BANK1: variants seen among roughly 807,000 people sequenced by gnomAD.
The protein encoded by BANK1 is B-cell scaffold protein with ankyrin repeats.
In BANK1, 95 loss-of-function variants were observed where a neutral mutation model predicts 94.5. That is an observed-to-expected ratio of 1.00 (90% CI 0.85 to 1.19). The LOEUF is 1.19. Ranked by LOEUF, BANK1 falls within the 50% of genes most tolerant of loss-of-function variation. BANK1 has a pLI of 0.00. For missense variants in BANK1, 987 were observed against 932.2 expected, an observed-to-expected ratio of 1.06 and a Z score of -0.77; for synonymous variants, 334 against 308.4, an observed-to-expected ratio of 1.08 and a Z score of -0.87.
chr4:102,047,386 C>A (rs1442228051), intron 11 of BANK1, among the ~76,000 whole-genome samples: 3 of 151,706 alleles, frequency 2.0e-5, no homozygotes, highest in African/African-American at 7.3e-5. Context: ...CTTTATTTGA[C>A]AGTTTTCCAT....
intron 7 of BANK1, among the ~76,000 whole-genome samples, chr4:102,018,263 TA>T (rs983573386): frequency 6.6e-6 from 1 of 152,232 alleles, no homozygotes; most frequent in African/African-American, 2.4e-5. Flanking sequence ...CATAGAATGT[TA>T]CAAGGTCAAC....
intron 6 of BANK1, among the ~76,000 whole-genome samples, chr4:101,903,509 C>G (rs1354732712): frequency 1.3e-5 from 2 of 152,154 alleles, no homozygotes; most frequent in African/African-American, 4.8e-5. Flanking sequence ...GACAATAACA[C>G]CAGTAGGTGA....
intron 2 of BANK1, among the ~76,000 whole-genome samples, chr4:101,833,017 T>C (rs1726682799): frequency 6.6e-6 from 1 of 152,088 alleles, no homozygotes; most frequent in South Asian, 2.1e-4. Flanking sequence ...TTTGCTCTTG[T>C]TGCCCAGGCT....
intron 1 of BANK1, among the ~76,000 whole-genome samples, chr4:101,816,756 T>C (rs980459674): frequency 2.6e-5 from 4 of 152,150 alleles, no homozygotes; most frequent in Admixed American, 2.6e-4. Context: ...GAATATTATT[T>C]CTTACAACCA....
chr4:102,059,180 T>C lies in BANK1; in HGVS notation c.1970-1031T>C, dbSNP rs17031985. On this transcript the variant is annotated intron_variant, in intron 11 of 16. Coordinates refer to ENST00000322953, the MANE Select transcript of BANK1 (RefSeq NM_017935.5). ...TATCGTCTGGATAGTCAAATTCATC[T>C]GTTTCTTTCTTGAAGAGGCAGTCCC... Among the ~76,000 whole-genome samples, 621 of 152,338 alleles carry C rather than the reference T, an allele frequency of 4.1e-3. 3 individuals are homozygous for C. Among genetic ancestry groups the C allele is most frequent in the African/African-American group, 0.014 (578 of 41,582 alleles).
chr4:101,890,873 G>T (rs572172712), intron 5 of BANK1, among the ~76,000 whole-genome samples: 1 of 151,062 alleles, frequency 6.6e-6, no homozygotes, highest in Admixed American at 6.6e-5. Context: ...ATAGTCTAGC[G>T]CTGTCTTCAT....
At chr4:101,904,723 T>C (rs972448495) in intron 6 of BANK1, among the ~76,000 whole-genome samples, 3 of 152,182 alleles carry the variant, frequency 2.0e-5, no homozygotes, top group African/African-American at 7.2e-5. Flanking sequence ...CATAAATTTA[T>C]AGGTACAGAA....
chr4:101,913,231 A>G (rs1213269371), intron 6 of BANK1, among the ~76,000 whole-genome samples: 2 of 152,116 alleles, frequency 1.3e-5, no homozygotes, highest in African/African-American at 4.8e-5. Flanking sequence ...ATGTAGAGGA[A>G]AAGAATGCAA....
chr4:101,901,865 A>G (rs1722298064), intron 6 of BANK1, among the ~76,000 whole-genome samples: 1 of 151,934 alleles, frequency 6.6e-6, no homozygotes, highest in Non-Finnish European at 1.5e-5. Flanking sequence ...GGTTCACACC[A>G]TTCTCCTGCC....
chr4:102,043,025 T>C (rs1727754779), intron 10 of BANK1, among the ~76,000 whole-genome samples: 2 of 152,198 alleles, frequency 1.3e-5, no homozygotes, highest in South Asian at 4.1e-4. Flanking sequence ...TATAAACATA[T>C]GAGGTTGGAC....
chr4:101,984,019 G>C (rs188811710), intron 7 of BANK1, among the ~76,000 whole-genome samples: 214 of 152,066 alleles, frequency 1.4e-3, no homozygotes, highest in African/African-American at 4.9e-3. Flanking sequence ...ATAGATAAGA[G>C]AGGGGAATGT....
chr4:101,792,907 T>G (rs1725045365), intron 1 of BANK1, among the ~76,000 whole-genome samples: 1 of 152,194 alleles, frequency 6.6e-6, no homozygotes, highest in Non-Finnish European at 1.5e-5. Flanking sequence ...AGTTAGAATG[T>G]ATTTTCTGGT....
intron 7 of BANK1, among the ~76,000 whole-genome samples, chr4:101,950,987 CAAG>C (rs1436532976): frequency 6.6e-6 from 1 of 151,972 alleles, no homozygotes; most frequent in Non-Finnish European, 1.5e-5. Context: ...CTGTCGCAGA[CAAG>C]AAGATCTTAA....
chr4:101,948,014 T>A (rs905978723), intron 7 of BANK1, among the ~76,000 whole-genome samples: 3 of 152,122 alleles, frequency 2.0e-5, no homozygotes, highest in Admixed American at 2.0e-4. Context: ...ATATGCTATG[T>A]ACTGGAAATA....
intron 7 of BANK1, among the ~76,000 whole-genome samples, chr4:101,948,949 T>C (rs541989909): frequency 2.0e-5 from 3 of 152,278 alleles, no homozygotes; most frequent in East Asian, 3.9e-4. Context: ...TTTTTATTTT[T>C]ATGAATTTCT....
At chr4:102,038,549 A>G (rs1264465345) in intron 10 of BANK1, among the ~76,000 whole-genome samples, 1 of 152,146 alleles carries the variant, frequency 6.6e-6, no homozygotes, top group Non-Finnish European at 1.5e-5. Flanking sequence ...GTTGTTCAAT[A>G]CATGCTGCCT....
chr4:101,930,165 TGA>T (rs1439498870), intron 7 of BANK1, among the ~76,000 whole-genome samples: 1 of 151,410 alleles, frequency 6.6e-6, no homozygotes, highest in Non-Finnish European at 1.5e-5. Context: ...GTAAATTTTA[TGA>T]GAGTGTGTGT....
rs369393040 is a variant in BANK1, at chr4:101,950,060, T to TGTGCGC, written c.1206+31872_1206+31873insTGCGCG. Among the ~76,000 whole-genome samples, 252 of 139,472 alleles carry TGTGCGC rather than the reference T, an allele frequency of 1.8e-3. 1 individual carries two copies. The highest frequency in any genetic ancestry group is 7.2e-3 in the Middle Eastern group (2 of 278). The allele number at this position is 139,472 out of a possible 152,430, so 91.5% of individuals were successfully genotyped here. ...GTGTGTGTGTGTGTGTGTGTGTGTG[T>TGTGCGC]GCGCGTGCGCGCGCATGTGCCTACA... On this transcript the variant is annotated intron_variant, in intron 7 of 16. Transcript: ENST00000322953.
intron 9 of BANK1, among the ~76,000 whole-genome samples, chr4:102,026,782 G>A (rs954301211): frequency 2.1e-5 from 3 of 144,360 alleles, no homozygotes; most frequent in Admixed American, 7.2e-5. Flanking sequence ...AGATCATGCC[G>A]CTGCACCCCA....
Sources: allele counts gnomAD v4.1 joint callset (sites outside exome capture counted in the v4.1 genomes callset), GRCh38; gene constraint gnomAD v4.1.1; transcripts MANE v1.5; gene names NCBI Gene and HGNC (gene_info 2026-07-23, HGNC 2026-07-21).